The following CD226 variants were observed in gnomAD, a reference collection of about 807,000 sequenced individuals.
CD226 encodes the protein CD226 antigen.
Under a neutral mutation model 34.9 loss-of-function variants are expected in CD226, and 24 were observed. That is an observed-to-expected ratio of 0.69 (90% CI 0.50 to 0.97). CD226 has a LOEUF of 0.97. CD226 is among the 50% of genes least tolerant of loss of function. CD226 has a pLI of 0.00. For missense variants in CD226, 397 were observed against 412.7 expected (o/e 0.96, Z 0.33); for synonymous variants, 148 against 147.4 (o/e 1.00, Z -0.03).
chr18:69,880,283 AGGGAAG>A (rs1984144095), intron 3 of CD226, among the ~76,000 whole-genome samples: 1 of 148,020 alleles, frequency 6.8e-6, no homozygotes, highest in African/African-American at 2.5e-5. Context: ...AGGGAAGGGA[AGGGAAG>A]GGAAAGGAAG....
chr18:69,922,532 C>T (rs918236454), intron 2 of CD226, among the ~76,000 whole-genome samples: 9 of 152,178 alleles, frequency 5.9e-5, no homozygotes, highest in South Asian at 4.1e-4. Context: ...CCTCCTGCCT[C>T]GGTTTCCCAA....
upstream of CD226, among the ~76,000 whole-genome samples, chr18:69,950,145 C>T (rs2055838229): frequency 7.9e-6 from 1 of 126,926 alleles, no homozygotes; most frequent in African/African-American, 2.5e-5. Context: ...CACACAATCA[C>T]ATGCATCTGC....
At chr18:69,898,492 G>C (rs1471660545) in intron 2 of CD226, among the ~76,000 whole-genome samples, 1 of 152,174 alleles carries the variant, frequency 6.6e-6, no homozygotes, top group Non-Finnish European at 1.5e-5. Flanking sequence ...GGAAGCAATG[G>C]GGAAAATCCT....
At position 69,868,739 on chromosome 18, in the gene CD226, C is replaced by T. The variant is rs561094747; in HGVS notation, c.831-1328G>A. On this transcript the variant is annotated intron_variant, in intron 4 of 5. Coordinates refer to ENST00000582621, the MANE Select transcript of CD226 (RefSeq NM_001303618.2). ...ACAAGGCTTGCTATCTCACAACGTG[C>T]AGTTAACGTTCCCAACCAGGCCCAA... Among the ~76,000 whole-genome samples the T allele has an allele frequency of 2.0e-5, 3 of 152,300 alleles. No homozygotes were observed. The South Asian group carries it at 6.2e-4, about 32-fold the overall frequency.
chr18:69,901,648 G>C (rs1346755132), intron 2 of CD226, among the ~76,000 whole-genome samples: 1 of 152,088 alleles, frequency 6.6e-6, no homozygotes, highest in Non-Finnish European at 1.5e-5. Flanking sequence ...GGGAGGCCGA[G>C]GCAGGCAGAT....
chr18:69,855,544 G>C lies in CD226; in HGVS notation c.*8770C>G, dbSNP rs1254776475. The stretch of plus-strand genomic sequence containing the variant: ...GAAAGAATGGAGCAAAAGAATGTTA[G>C]AAGTAATAACGTCTGGGAACTTGCC... On this transcript the variant is annotated 3_prime_UTR_variant, in exon 6 of 6. Transcript: ENST00000582621. 6.6e-6 allele frequency: 1 copy of C among 152,102 alleles called. No homozygotes were observed. The highest frequency in any genetic ancestry group is 2.4e-5 in the African/African-American group (1 of 41,430). The allele number at this position is 152,102 out of a possible 1,614,324, so 9.4% of individuals were successfully genotyped here. A position where few individuals can be genotyped will look rare whatever the true frequency, so the allele number is the denominator to read the frequency against.
chr18:69,955,267 G>A (rs1437681452), intron 1 of CD226, among the ~76,000 whole-genome samples: 1 of 152,206 alleles, frequency 6.6e-6, no homozygotes, highest in Non-Finnish European at 1.5e-5. Context: ...TGGTTTCTGA[G>A]CATTGGGAGG....
intron 2 of CD226, among the ~76,000 whole-genome samples, chr18:69,922,959 C>G (rs1263632728): frequency 2.0e-5 from 3 of 152,060 alleles, no homozygotes; most frequent in African/African-American, 7.2e-5. Context: ...TGGTGAAACC[C>G]CCATCTCTAC....
chr18:69,918,982 G>A (rs1289218721), intron 2 of CD226, among the ~76,000 whole-genome samples: 3 of 152,200 alleles, frequency 2.0e-5, no homozygotes, highest in South Asian at 2.1e-4. Flanking sequence ...CAGAGGAGGT[G>A]GGGGCCATGG....
At chr18:69,876,933 G>A (rs1487716239) in intron 3 of CD226, among the ~76,000 whole-genome samples, 3 of 140,102 alleles carry the variant, frequency 2.1e-5, no homozygotes, top group East Asian at 4.2e-4. Flanking sequence ...GCAGGATCTC[G>A]GCTCGCTGCA....
At chr18:69,912,280 A>G (rs1369558218) in intron 2 of CD226, among the ~76,000 whole-genome samples, 1 of 152,258 alleles carries the variant, frequency 6.6e-6, no homozygotes, top group Non-Finnish European at 1.5e-5. Flanking sequence ...CAATGGCAAC[A>G]AAAGTCAAAG....
At chr18:69,939,284 G>A (rs1050087167) in intron 2 of CD226, among the ~76,000 whole-genome samples, 2 of 151,998 alleles carry the variant, frequency 1.3e-5, no homozygotes, top group South Asian at 2.1e-4. Flanking sequence ...GTTTTACCAC[G>A]TTTGTATCTA....
chr18:69,859,753 C>G lies in CD226; in HGVS notation c.*4561G>C, dbSNP rs1193497019. 1 of 152,038 alleles carries G rather than the reference C, an allele frequency of 6.6e-6. No homozygotes were observed. Among genetic ancestry groups the G allele is most frequent in the Admixed American group, 6.6e-5 (1 of 15,258 alleles). 9.4% of individuals were successfully genotyped at this position (152,038 alleles called of 1,614,324 possible). A position where few individuals can be genotyped will look rare whatever the true frequency, so the allele number is the denominator to read the frequency against. ...CAAAAAACCTGTAAAGCCCTTTGAC[C>G]CTTTGCACTACATGCACTTATAAAA... On this transcript the variant is annotated 3_prime_UTR_variant, in exon 6 of 6. Transcript: ENST00000582621.
Position 69,895,990 on chromosome 18 carries a change from C to T in CD226, c.438G>A (p.Lys146=), listed in dbSNP as rs1985265147. ...GAGGCTGACAAGTGAGTGTGACATT[C>T]TTTCCAGGTTCCGAAACAATGTGGC... ...SNSHIVSEPG[K]NVTLTCQPQM... is the part of the protein sequence containing the mutation. The change falls in exon 3 of 6, where the codon AAG becomes AAA. Residue 146 remains lysine, a synonymous_variant. Coordinates refer to ENST00000582621, the MANE Select transcript of CD226 (RefSeq NM_001303618.2). 2 of 1,613,680 alleles carry T rather than the reference C, an allele frequency of 1.2e-6. No individual in the cohort carries two copies. The highest frequency in any genetic ancestry group is 1.3e-5 in the African/African-American group (1 of 74,934).
At chr18:69,927,354 C>CT (rs1416929718) in intron 2 of CD226, among the ~76,000 whole-genome samples, 2 of 128,244 alleles carry the variant, frequency 1.6e-5, no homozygotes, top group African/African-American at 2.9e-5. Flanking sequence ...CCTGAACAGA[C>CT]TAAGACACTA....
rs1555675809 is a variant in CD226 at position 69,861,554 on chromosome 18, G to GTATATGTATATATATATATA, written c.*2759_*2760insTATATATATATATACATATA. The GTATATGTATATATATATATA allele has an allele frequency of 7.0e-5, 9 of 127,950 alleles. No individual in the cohort carries two copies. Among genetic ancestry groups the GTATATGTATATATATATATA allele is most frequent in the Admixed American group, 3.4e-4 (4 of 11,720 alleles). 7.9% of individuals were successfully genotyped at this position (127,950 alleles called of 1,614,324 possible). ...ATAAATTATATGTGTATATATATATGTATATATATATATATATATGTAAAA... is the reference window on the plus strand; with the variant it reads ...ATAAATTATATGTGTATATATATATGTATATGTATATATATATATATATATATATATATATATATGTAAAA... On this transcript the variant is annotated 3_prime_UTR_variant, in exon 6 of 6. Coordinates refer to ENST00000582621, the MANE Select transcript of CD226 (RefSeq NM_001303618.2).
At position 69,856,881 on chromosome 18, in the gene CD226, T is replaced by G. The variant is rs1467350129; in HGVS notation, c.*7433A>C. On this transcript the variant is annotated 3_prime_UTR_variant, in exon 6 of 6. Coordinates refer to ENST00000582621, the MANE Select transcript of CD226 (RefSeq NM_001303618.2). Reference sequence around the variant, plus strand: ...AATCTAGGCTTCCACCTTAAGAAACTAAGGAGGCCGGGCGCGGTGGCTCAC... The same window carrying G: ...AATCTAGGCTTCCACCTTAAGAAACGAAGGAGGCCGGGCGCGGTGGCTCAC... 1 of 152,024 alleles carries G rather than the reference T, an allele frequency of 6.6e-6. No homozygotes were observed. The highest frequency in any genetic ancestry group is 1.5e-5 in the Non-Finnish European group (1 of 67,980). 9.4% of individuals were successfully genotyped at this position (152,024 alleles called of 1,614,324 possible). A position where few individuals can be genotyped will look rare whatever the true frequency, so the allele number is the denominator to read the frequency against.
upstream of CD226, among the ~76,000 whole-genome samples, chr18:69,950,158 G>A (rs1017642607): frequency 8.6e-5 from 4 of 46,354 alleles, no homozygotes; most frequent in East Asian, 0.056. Context: ...GCATCTGCAC[G>A]TACTCTCAAA....
chr18:69,919,709 A>G (rs2055428020), intron 2 of CD226, among the ~76,000 whole-genome samples: 1 of 152,162 alleles, frequency 6.6e-6, no homozygotes, highest in South Asian at 2.1e-4. Context: ...GACAAGGCAA[A>G]TTGTTTATCA....
Sources: allele counts gnomAD v4.1 joint callset (sites outside exome capture counted in the v4.1 genomes callset), GRCh38; gene constraint gnomAD v4.1.1; transcripts MANE v1.5; gene names NCBI Gene and HGNC (gene_info 2026-07-23, HGNC 2026-07-21).